Variants in GRIK1 observed in about 807,000 individuals in gnomAD.
GRIK1 encodes glutamate receptor ionotropic, kainate 1.
In GRIK1, 69 loss-of-function variants were observed where a neutral mutation model predicts 105.7. The ratio of observed to expected loss-of-function variants is 0.65; its 90% CI spans 0.54 to 0.80. The LOEUF (loss-of-function observed/expected upper bound fraction) is 0.80, where lower values mean the gene tolerates loss of function less well. Among genes scored for constraint, GRIK1 ranks in the 30% least tolerant of loss-of-function variants. The pLI is 0.00. For synonymous variants in GRIK1, 438 were observed against 431.3 expected (o/e 1.02, Z -0.19); for missense variants, 1,109 against 1,167.3 (o/e 0.95, Z 0.73).
chr21:29,732,917 A>G (rs142918819), intron 1 of GRIK1, among the ~76,000 whole-genome samples: 1 of 152,328 alleles, frequency 6.6e-6, no homozygotes, highest in Admixed American at 6.5e-5. Flanking sequence ...GATGAACAAG[A>G]CAAATGTGAA....
chr21:29,820,790 A>C (rs74691497), intron 1 of GRIK1, among the ~76,000 whole-genome samples: 2,525 of 152,140 alleles, frequency 0.017, 36 homozygotes, highest in Non-Finnish European at 0.023. Context: ...ACATACGTTA[A>C]TTGATTTATT....
chr21:29,920,894 T>TG (rs2071169947), intron 1 of GRIK1, among the ~76,000 whole-genome samples: 1 of 152,164 alleles, frequency 6.6e-6, no homozygotes, highest in Non-Finnish European at 1.5e-5. Flanking sequence ...TAACGTGGTA[T>TG]GTGGCTTCCG....
chr21:29,864,615 C>A (rs965816129), intron 1 of GRIK1, among the ~76,000 whole-genome samples: 1 of 152,270 alleles, frequency 6.6e-6, no homozygotes, highest in South Asian at 2.1e-4. Context: ...TCTCATCTCC[C>A]TGAAGATATT....
intron 7 of GRIK1, among the ~76,000 whole-genome samples, chr21:29,608,503 G>A (rs778106005): frequency 9.9e-5 from 15 of 152,112 alleles, no homozygotes; most frequent in Non-Finnish European, 1.5e-4. Flanking sequence ...TTTAAGTTTT[G>A]TGAATCTTTT....
rs2062513747 is a variant in GRIK1, at chr21:29,641,680, C to T, written c.1098+1146G>A. ...CTTAATCTTGTGCAAGTATAGAATA[C>T]TCACCCAAGAATGAATGTTTCCTTA... On this transcript the variant is annotated intron_variant, in intron 7 of 17. Coordinates refer to ENST00000327783, the MANE Select transcript of GRIK1 (RefSeq NM_001330994.2). 2.0e-5 allele frequency among the ~76,000 whole-genome samples: 3 copies of T among 152,176 alleles called. No individual in the cohort carries two copies. In the South Asian group the frequency reaches 6.2e-4, roughly 31 times the overall value.
intron 1 of GRIK1, among the ~76,000 whole-genome samples, chr21:29,733,707 G>A (rs978611464): frequency 6.6e-6 from 1 of 151,952 alleles, no homozygotes; most frequent in Non-Finnish European, 1.5e-5. Flanking sequence ...TGAGGAAAAG[G>A]ATTGTTTTGC....
At chr21:29,712,649 T>C (rs1350899430) in intron 1 of GRIK1, among the ~76,000 whole-genome samples, 1 of 152,218 alleles carries the variant, frequency 6.6e-6, no homozygotes, top group Non-Finnish European at 1.5e-5. Flanking sequence ...CCACAATGAT[T>C]TTATTGTATT....
At chr21:29,692,935 C>T (rs934426571) in intron 2 of GRIK1, among the ~76,000 whole-genome samples, 1 of 152,204 alleles carries the variant, frequency 6.6e-6, no homozygotes, top group Non-Finnish European at 1.5e-5. Context: ...TTGCAAAGAA[C>T]ACTAGAATTC....
intron 1 of GRIK1, among the ~76,000 whole-genome samples, chr21:29,913,236 A>C (rs1193440803): frequency 6.6e-6 from 1 of 152,064 alleles, no homozygotes; most frequent in Non-Finnish European, 1.5e-5. Context: ...AGCTGACTTC[A>C]CCATTCAAGT....
At chr21:29,540,802 C>T (rs2089955929) in intron 16 of GRIK1, among the ~76,000 whole-genome samples, 1 of 152,072 alleles carries the variant, frequency 6.6e-6, no homozygotes, top group African/African-American at 2.4e-5. Flanking sequence ...AACATAATGG[C>T]ATTCAGCTAG....
At chr21:29,571,440 A>G (rs543566581) in intron 14 of GRIK1, among the ~76,000 whole-genome samples, 126 of 152,254 alleles carry the variant, frequency 8.3e-4, no homozygotes, top group African/African-American at 2.9e-3. Context: ...CACCTGAGCT[A>G]TTTTAAAAAA....
At chr21:29,648,536 T>C (rs180683393) in intron 6 of GRIK1, among the ~76,000 whole-genome samples, 51 of 152,148 alleles carry the variant, frequency 3.4e-4, no homozygotes, top group South Asian at 1.3e-3. Context: ...AATTTCTTTA[T>C]TAAATACATA....
At chr21:29,733,513 CAA>C (rs1254681997) in intron 1 of GRIK1, among the ~76,000 whole-genome samples, 15 of 150,072 alleles carry the variant, frequency 1.0e-4, no homozygotes. Flanking sequence ...ATTTTTTTTT[CAA>C]AAAAATTGTT....
chr21:29,574,158 G>A (rs2090828255), intron 14 of GRIK1, among the ~76,000 whole-genome samples: 2 of 152,166 alleles, frequency 1.3e-5, no homozygotes, highest in South Asian at 4.1e-4. Context: ...TTATGTATGT[G>A]CAAACATTCT....
intron 16 of GRIK1, among the ~76,000 whole-genome samples, chr21:29,545,949 A>C (rs2090043925): frequency 6.6e-6 from 1 of 152,194 alleles, no homozygotes; most frequent in East Asian, 1.9e-4. Flanking sequence ...GTTTTAGTTA[A>C]TGCAAGCCTC....
chr21:29,872,086 CAAATAAAAACTGTA>C (rs1189253369), intron 1 of GRIK1, among the ~76,000 whole-genome samples: 1 of 151,562 alleles, frequency 6.6e-6, no homozygotes, highest in African/African-American at 2.4e-5. Context: ...TTTAAAATGA[CAAATAAAAACTGTA>C]AATATTAATG....
intron 1 of GRIK1, among the ~76,000 whole-genome samples, chr21:29,881,111 T>G (rs1169716725): frequency 6.6e-6 from 1 of 152,144 alleles, no homozygotes; most frequent in Non-Finnish European, 1.5e-5. Context: ...ACACTGTAAA[T>G]AATCAATACA....
intron 11 of GRIK1, 129 bp downstream of exon 11, chr21:29,588,710 T>G: frequency 9.5e-6 from 6 of 631,126 alleles, no homozygotes. Context: ...ATTTCCAGGC[T>G]GTTTTACTTT....
intron 7 of GRIK1, among the ~76,000 whole-genome samples, chr21:29,632,614 GTAAAT>G (rs1757258831): frequency 1.3e-5 from 2 of 151,774 alleles, no homozygotes; most frequent in Non-Finnish European, 2.9e-5. Context: ...ATTCATCTAA[GTAAAT>G]TAAACATGTG....
Sources: gnomAD v4.1 joint callset for allele counts (sites outside exome capture counted in the v4.1 genomes callset) on GRCh38, gnomAD v4.1.1 for gene constraint, MANE v1.5 for transcripts, NCBI Gene and HGNC (gene_info 2026-07-23, HGNC 2026-07-21) for gene names.